Variants in ASTN1 observed in about 807,000 individuals in gnomAD.
The protein encoded by ASTN1 is astrotactin-1.
A neutral mutation model predicts 140.7 loss-of-function variants in ASTN1; 41 were observed. The ratio of observed to expected loss-of-function variants is 0.29; its 90% CI spans 0.23 to 0.38. The LOEUF (loss-of-function observed/expected upper bound fraction) is 0.38. ASTN1 is among the 10% of genes least tolerant of loss of function. The pLI, the probability that ASTN1 is intolerant of heterozygous loss-of-function variation, is 1.00. For missense variants in ASTN1, 1,479 were observed against 1,678.8 expected (o/e 0.88, Z 2.08); for synonymous variants, 640 against 652.2 (o/e 0.98, Z 0.29).
downstream of ASTN1, chr1:176,857,642 G>T (rs144349355): frequency 9.7e-6 from 6 of 619,010 alleles, no homozygotes; most frequent in Middle Eastern, 4.0e-4. Context: ...GTCCCAACAC[G>T]CTGGAAGCCT....
intron 5 of ASTN1, 60 bp downstream of exon 5, chr1:177,029,574 T>TC (rs1278312842): frequency 7.8e-6 from 12 of 1,539,140 alleles, no homozygotes; most frequent in African/African-American, 2.7e-5. Flanking sequence ...CTCTTCGCCT[T>TC]CCCCCGCCTC....
intron 12 of ASTN1, among the ~76,000 whole-genome samples, chr1:176,948,983 C>CTTAGGTCCATCTA (rs1672071370): frequency 6.6e-6 from 1 of 152,200 alleles, no homozygotes; most frequent in African/African-American, 2.4e-5. Context: ...AGGGGCTGGA[C>CTTAGGTCCATCTA]TAGACTTAGG....
chr1:177,154,752 A>G (rs1375919908), intron 1 of ASTN1, among the ~76,000 whole-genome samples: 2 of 152,162 alleles, frequency 1.3e-5, no homozygotes, highest in Non-Finnish European at 2.9e-5. Context: ...GAGAAGGTAT[A>G]AAGGAAAAGA....
intron 14 of ASTN1, among the ~76,000 whole-genome samples, chr1:176,938,971 A>G (rs1671567503): frequency 1.3e-5 from 2 of 151,910 alleles, no homozygotes; most frequent in Non-Finnish European, 2.9e-5. Flanking sequence ...ACAAAAAACA[A>G]AAAACAGCTG....
intron 2 of ASTN1, among the ~76,000 whole-genome samples, chr1:177,037,212 GT>G (rs1676761325): frequency 6.6e-6 from 1 of 152,132 alleles, no homozygotes; most frequent in African/African-American, 2.4e-5. Flanking sequence ...CTTTCAAAGA[GT>G]CTAGCGAAAT....
chr1:176,862,144 A>G lies in ASTN1; in HGVS notation c.*2140T>C. 7.1e-6 allele frequency: 7 copies of G among 985,420 alleles called. No homozygotes were observed. Among genetic ancestry groups the G allele is most frequent in the Non-Finnish European group, 8.4e-6 (7 of 829,934 alleles). The allele number at this position is 985,420 out of a possible 1,614,324, so 61.0% of individuals were successfully genotyped here. ...GCAATGGTGAAATATTTGCCCCTTGAGGCACTTTAACTGAGGCTCCAGCAT... is the reference window on the plus strand; with the variant it reads ...GCAATGGTGAAATATTTGCCCCTTGGGGCACTTTAACTGAGGCTCCAGCAT... On this transcript the variant is annotated 3_prime_UTR_variant, in exon 23 of 23. Coordinates refer to ENST00000361833, the MANE Select transcript of ASTN1 (RefSeq NM_004319.3).
chr1:177,002,896 C>T lies in ASTN1; in HGVS notation c.1523+11895G>A, dbSNP rs186983507. Among the ~76,000 whole-genome samples the T allele has an allele frequency of 2.6e-4, 39 of 151,758 alleles. 1 individual carries two copies. Among genetic ancestry groups the T allele is most frequent in the African/African-American group, 8.2e-4 (34 of 41,354 alleles). ...GAGGAAATAGATTCCCGAAGACATACAACTCCTTTAGCTTGAATCAAGAAG... is the reference window on the plus strand; with the variant it reads ...GAGGAAATAGATTCCCGAAGACATATAACTCCTTTAGCTTGAATCAAGAAG... On this transcript the variant is annotated intron_variant, in intron 8 of 22. Transcript: ENST00000361833.
At chr1:177,096,562 A>G (rs1452108883) in intron 1 of ASTN1, among the ~76,000 whole-genome samples, 1 of 152,086 alleles carries the variant, frequency 6.6e-6, no homozygotes, top group Non-Finnish European at 1.5e-5. Context: ...CATAATCCCC[A>G]TGTGTTATGA....
At chr1:176,873,286 T>C (rs1279450793) in intron 21 of ASTN1, among the ~76,000 whole-genome samples, 1 of 151,370 alleles carries the variant, frequency 6.6e-6, no homozygotes, top group East Asian at 1.9e-4. Flanking sequence ...CGGAAGGCCA[T>C]GGCCTGACCT....
intron 1 of ASTN1, among the ~76,000 whole-genome samples, chr1:177,129,644 T>G (rs1405693773): frequency 2.0e-5 from 3 of 152,186 alleles, no homozygotes; most frequent in African/African-American, 7.2e-5. Flanking sequence ...CATGCTATAT[T>G]CTCTTCCTTG....
intron 1 of ASTN1, among the ~76,000 whole-genome samples, chr1:177,098,758 C>T (rs1220727481): frequency 6.6e-6 from 1 of 152,172 alleles, no homozygotes; most frequent in Non-Finnish European, 1.5e-5. Context: ...TCTCCATCTG[C>T]CTCAGGATAA....
At chr1:177,153,632 C>A (rs965943652) in intron 1 of ASTN1, among the ~76,000 whole-genome samples, 6 of 152,098 alleles carry the variant, frequency 3.9e-5, no homozygotes, top group East Asian at 3.9e-4. Context: ...GTGAAGAAGA[C>A]CTTTCCAGTG....
chr1:177,103,466 G>A (rs1680395127), intron 1 of ASTN1, among the ~76,000 whole-genome samples: 2 of 152,168 alleles, frequency 1.3e-5, no homozygotes, highest in South Asian at 4.1e-4. Flanking sequence ...CCACACTGGG[G>A]AGGCTGGTAA....
chr1:177,077,367 TAGA>T (rs934999470), intron 1 of ASTN1, among the ~76,000 whole-genome samples: 2 of 152,112 alleles, frequency 1.3e-5, no homozygotes, highest in Admixed American at 6.5e-5. Context: ...TAGTCAGGTA[TAGA>T]AGGAGTATAA....
At chr1:177,044,842 A>G (rs1459853441) in intron 2 of ASTN1, among the ~76,000 whole-genome samples, 1 of 152,184 alleles carries the variant, frequency 6.6e-6, no homozygotes, top group Non-Finnish European at 1.5e-5. Context: ...AATTCAAATC[A>G]TAGTGTTCAC....
chr1:176,926,559 C>T (rs1485388367), intron 16 of ASTN1, among the ~76,000 whole-genome samples: 1 of 152,198 alleles, frequency 6.6e-6, no homozygotes, highest in Non-Finnish European at 1.5e-5. Context: ...CTCTAAATCC[C>T]CTCTCTGCTC....
At chr1:176,948,296 G>T (rs575090673) in intron 12 of ASTN1, among the ~76,000 whole-genome samples, 83 of 143,666 alleles carry the variant, frequency 5.8e-4, no homozygotes, top group African/African-American at 1.9e-3. Context: ...GAGGGGAGGG[G>T]AGGGAGAGGG....
At chr1:176,909,325 G>A (rs1670131450) in intron 16 of ASTN1, among the ~76,000 whole-genome samples, 1 of 152,234 alleles carries the variant, frequency 6.6e-6, no homozygotes, top group South Asian at 2.1e-4. Context: ...ATCAGAAGAT[G>A]TGGCTATTTT....
At chr1:176,879,156 G>A (rs1009397453) in intron 20 of ASTN1, among the ~76,000 whole-genome samples, 4 of 152,124 alleles carry the variant, frequency 2.6e-5, no homozygotes, top group African/African-American at 7.2e-5. Flanking sequence ...CTCGCAGTTC[G>A]CTCTCCCTCT....
Sources: allele counts gnomAD v4.1 joint callset (sites outside exome capture counted in the v4.1 genomes callset), GRCh38; gene constraint gnomAD v4.1.1; transcripts MANE v1.5; gene names NCBI Gene and HGNC (gene_info 2026-07-23, HGNC 2026-07-21).